Variants in SAMD5 observed in about 807,000 individuals in gnomAD.
The protein encoded by SAMD5 is sterile alpha motif domain containing 5, also known as sterile alpha motif domain-containing protein 5.
Under a neutral mutation model 11.3 loss-of-function variants are expected in SAMD5, and 13 were observed. That is an observed-to-expected ratio of 1.15 (90% CI 0.75 to 1.83). The LOEUF is 1.83. Among genes scored for constraint, SAMD5 ranks in the 40% most tolerant of loss-of-function variants. The probability of loss-of-function intolerance (pLI) is 0.00; values close to 1 mark genes in which losing one functional copy is unlikely to be tolerated. For synonymous variants in SAMD5, 129 were observed against 111.3 expected (o/e 1.16, Z -1.00); for missense variants, 255 against 239.1 (o/e 1.07, Z -0.44).
At chr6:147,579,454 A>ATTTTTT (rs3031353) in intron 1 of SAMD5, among the ~76,000 whole-genome samples, 7 of 76,918 alleles carry the variant, frequency 9.1e-5, no homozygotes, top group Non-Finnish European at 1.4e-4. Flanking sequence ...CAGGCTTTGA[A>ATTTTTT]TTTTTTTTTT....
At position 147,565,031 on chromosome 6, in the gene SAMD5, G is replaced by T. The variant is rs1174967459; in HGVS notation, c.*575G>T. On this transcript the variant is annotated 3_prime_UTR_variant, in exon 2 of 2. Coordinates refer to ENST00000367474, the MANE Select transcript of SAMD5 (RefSeq NM_001030060.3). The stretch of plus-strand genomic sequence containing the variant: ...TAAGGTGCTTTTATATAGTTATTTT[G>T]TATATTGGTACAATGTTAAAGGTGA... The T allele has an allele frequency of 1.1e-6, 1 of 950,458 alleles. No homozygotes were observed. Among genetic ancestry groups the T allele is most frequent in the African/African-American group, 1.8e-5 (1 of 56,424 alleles). The allele number at this position is 950,458 out of a possible 1,614,324, so 58.9% of individuals were successfully genotyped here. A position where few individuals can be genotyped will look rare whatever the true frequency, so the allele number is the denominator to read the frequency against.
At chr6:147,815,632 G>A in the SAMD5 span, among the ~76,000 whole-genome samples, 4,559 of 152,234 alleles carry the variant, frequency 0.03, 96 homozygotes, top group Middle Eastern at 0.051. Context: ...TAATAACTTT[G>A]TCTTTCAACA....
the SAMD5 span, among the ~76,000 whole-genome samples, chr6:147,890,847 G>T: frequency 6.6e-6 from 1 of 151,412 alleles, no homozygotes; most frequent in Non-Finnish European, 1.5e-5. Flanking sequence ...AATACTAATT[G>T]CACATGTGCA....
chr6:147,724,980 G>A (rs1456063925), intron 1 of SAMD5, among the ~76,000 whole-genome samples: 1 of 151,974 alleles, frequency 6.6e-6, no homozygotes, highest in Non-Finnish European at 1.5e-5. Flanking sequence ...TCTACAACTA[G>A]TGTCAGAACC....
At chr6:147,938,495 T>C in the SAMD5 span, among the ~76,000 whole-genome samples, 4 of 152,274 alleles carry the variant, frequency 2.6e-5, no homozygotes, top group South Asian at 8.3e-4. Flanking sequence ...AGCAGACAAT[T>C]GCCATGTGAT....
chr6:147,583,461 A>G (rs1789326517), intron 1 of SAMD5, among the ~76,000 whole-genome samples: 1 of 152,214 alleles, frequency 6.6e-6, no homozygotes, highest in African/African-American at 2.4e-5. Context: ...TGTTTTTTCT[A>G]CAATCAGTTG....
At chr6:147,829,663 A>C in the SAMD5 span, among the ~76,000 whole-genome samples, 115 of 152,240 alleles carry the variant, frequency 7.6e-4, 1 homozygote, top group Admixed American at 1.3e-3. Flanking sequence ...CAACAGGGCA[A>C]CATTTCCCAG....
At chr6:147,829,159 G>A in the SAMD5 span, among the ~76,000 whole-genome samples, 7,819 of 152,246 alleles carry the variant, frequency 0.051, 673 homozygotes, top group African/African-American at 0.18. Flanking sequence ...GAAGTAGTTT[G>A]CTAATATGAT....
the SAMD5 span, among the ~76,000 whole-genome samples, chr6:147,867,569 C>G: frequency 6.6e-6 from 1 of 152,138 alleles, no homozygotes; most frequent in Non-Finnish European, 1.5e-5. Flanking sequence ...CCCTGCGTCT[C>G]CCCTCTCCCA....
At chr6:147,615,232 C>T (rs1789848260) in intron 1 of SAMD5, among the ~76,000 whole-genome samples, 1 of 150,194 alleles carries the variant, frequency 6.7e-6, no homozygotes, top group Non-Finnish European at 1.5e-5. Context: ...TAAAAGTATA[C>T]ACGTAGAACA....
the SAMD5 span, among the ~76,000 whole-genome samples, chr6:147,792,069 A>G: frequency 6.6e-6 from 1 of 152,178 alleles, no homozygotes. Context: ...TAGCAAATTA[A>G]AAATTCTTAA....
the SAMD5 span, among the ~76,000 whole-genome samples, chr6:147,758,790 C>T: frequency 3.3e-5 from 5 of 152,102 alleles, no homozygotes; most frequent in Non-Finnish European, 5.9e-5. Flanking sequence ...CACCGGCCTG[C>T]TTCGGTTCCT....
chr6:147,792,216 C>T, the SAMD5 span, among the ~76,000 whole-genome samples: 3 of 152,188 alleles, frequency 2.0e-5, no homozygotes, highest in Admixed American at 6.5e-5. Flanking sequence ...GAGACTGTAT[C>T]GCTAAATGCA....
At chr6:147,772,993 G>A in the SAMD5 span, among the ~76,000 whole-genome samples, 19 of 152,224 alleles carry the variant, frequency 1.2e-4, no homozygotes, top group South Asian at 4.1e-4. Context: ...CACATATAGC[G>A]TGTCTCTCAT....
chr6:147,895,196 T>A, the SAMD5 span, among the ~76,000 whole-genome samples: 36 of 152,330 alleles, frequency 2.4e-4, no homozygotes, highest in African/African-American at 8.4e-4. Flanking sequence ...CTATCTTTAA[T>A]GTATTGTCAT....
chr6:147,650,399 G>A (rs1187525754), intron 1 of SAMD5, among the ~76,000 whole-genome samples: 1 of 152,188 alleles, frequency 6.6e-6, no homozygotes, highest in Non-Finnish European at 1.5e-5. Context: ...AAGATTGGAA[G>A]CAACAGAGCA....
chr6:147,865,827 TACACAGGTAAATA>T, the SAMD5 span, among the ~76,000 whole-genome samples: 51 of 152,360 alleles, frequency 3.3e-4, no homozygotes, highest in East Asian at 9.4e-3. Flanking sequence ...AAATCCATTT[TACACAGGTAAATA>T]ACTGGTTATT....
At chr6:147,834,802 G>A in the SAMD5 span, among the ~76,000 whole-genome samples, 1 of 152,150 alleles carries the variant, frequency 6.6e-6, no homozygotes, top group East Asian at 1.9e-4. Flanking sequence ...CTGAGATTAT[G>A]CCCTAAATGA....
At chr6:147,660,625 T>C (rs972769825) in intron 1 of SAMD5, 1 of 152,204 alleles carries the variant, frequency 6.6e-6, no homozygotes, top group Non-Finnish European at 1.5e-5. Context: ...TCTCCCACCC[T>C]CGCTGTTCTC....
Sources: gnomAD v4.1 joint callset for allele counts (sites outside exome capture counted in the v4.1 genomes callset) on GRCh38, gnomAD v4.1.1 for gene constraint, MANE v1.5 for transcripts, NCBI Gene and HGNC (gene_info 2026-07-23, HGNC 2026-07-21) for gene names.